PSME4: variants seen among roughly 807,000 people sequenced by gnomAD.
PSME4 encodes proteasome activator subunit 4, also known as proteasome activator complex subunit 4.
Under a neutral mutation model 253.9 loss-of-function variants are expected in PSME4, and 89 were observed. The ratio of observed to expected loss-of-function variants is 0.35; its 90% CI spans 0.30 to 0.42. The LOEUF (loss-of-function observed/expected upper bound fraction) is 0.42, where lower values mean the gene tolerates loss of function less well. Ranked by LOEUF, PSME4 falls within the 10% of genes least tolerant of loss-of-function variation. The pLI, the probability that PSME4 is intolerant of heterozygous loss-of-function variation, is 1.00. For synonymous variants in PSME4, 851 were observed against 759.2 expected (o/e 1.12, Z -1.99); for missense variants, 2,014 against 2,195.2 (o/e 0.92, Z 1.65).
chr2:53,888,917 C>A, intron 37 of PSME4, 105 bp from the exon 38 acceptor site: 1 of 897,684 alleles, frequency 1.1e-6, no homozygotes, highest in South Asian at 1.9e-5. Flanking sequence ...CTAGGTCTAA[C>A]TCTGTTGCCC....
rs61078234 is a variant in PSME4 at position 53,940,952 on chromosome 2, C to CATATTTAAATATATATAT, written c.501-953_501-952insATATATATATTTAAATAT. On this transcript the variant is annotated intron_variant, in intron 3 of 46. Coordinates refer to ENST00000404125, the MANE Select transcript of PSME4 (RefSeq NM_014614.3). ...TAATACATATATAAATATATATATA[C>CATATTTAAATATATATAT]ATATATATATATATATATATATATA... is the stretch of plus-strand genomic sequence containing the variant. Among the ~76,000 whole-genome samples the CATATTTAAATATATATAT allele has an allele frequency of 2.0e-3, 48 of 24,020 alleles. 4 individuals carry two copies. Among genetic ancestry groups the CATATTTAAATATATATAT allele is most frequent in the South Asian group, 6.8e-3 (4 of 584 alleles). The allele number at this position is 24,020 out of a possible 152,430, so 15.8% of individuals were successfully genotyped here.
intron 1 of PSME4, among the ~76,000 whole-genome samples, chr2:53,966,807 C>G (rs1670760251): frequency 6.6e-6 from 1 of 152,130 alleles, no homozygotes; most frequent in Non-Finnish European, 1.5e-5. Flanking sequence ...TCAAGCGATT[C>G]TCCTGCCTCA....
chr2:53,887,999 A>T lies in PSME4; in HGVS notation c.4389-10T>A, dbSNP rs769769587. 6.2e-7 allele frequency: 1 copy of T among 1,608,152 alleles called. No homozygotes were observed. Among genetic ancestry groups the T allele is most frequent in the Non-Finnish European group, 8.5e-7 (1 of 1,177,652 alleles). ...TAGTACATAAAGTCGACTAAAATTA[A>T]AGCATCGTAGTGTTATATTGGAGGC... On this transcript the variant is annotated splice_polypyrimidine_tract_variant and intron_variant, in intron 38 of 46. Coordinates refer to ENST00000404125, the MANE Select transcript of PSME4 (RefSeq NM_014614.3).
At position 53,940,012 on chromosome 2, in the gene PSME4, A is replaced by G; in HGVS notation, c.501-12T>C. The G allele has an allele frequency of 4.5e-6, 7 of 1,556,796 alleles. No individual in the cohort carries two copies. Among genetic ancestry groups the G allele is most frequent in the Non-Finnish European group, 6.1e-6 (7 of 1,139,024 alleles). On this transcript the variant is annotated splice_polypyrimidine_tract_variant and intron_variant, in intron 3 of 46. Coordinates refer to ENST00000404125, the MANE Select transcript of PSME4 (RefSeq NM_014614.3). The stretch of plus-strand genomic sequence containing the variant: ...TATTTTCTACAGAACTGGGGGGGGA[A>G]AGCCATTTGATAATTAGATTGGTGT...
intron 7 of PSME4, among the ~76,000 whole-genome samples, chr2:53,935,593 T>C (rs1019372952): frequency 1.3e-5 from 2 of 152,148 alleles, no homozygotes; most frequent in African/African-American, 4.8e-5. Flanking sequence ...AGCAACCAAA[T>C]ACGGTACACA....
intron 36 of PSME4, among the ~76,000 whole-genome samples, chr2:53,892,275 A>C (rs1186704337): frequency 6.6e-6 from 1 of 152,186 alleles, no homozygotes. Context: ...GGTTATTTTT[A>C]GTCTCGTGTA....
At position 53,933,406 on chromosome 2, in the gene PSME4, G is replaced by A. The variant is rs887509552; in HGVS notation, c.958-646C>T. ...AAAAAAAAAAAAAAAAAAAAAAAGC[G>A]TTTCCCTCTGTTGTCCAGGGTGGAG... On this transcript the variant is annotated intron_variant, in intron 8 of 46. Transcript: ENST00000404125. Among the ~76,000 whole-genome samples the A allele has an allele frequency of 6.0e-5, 6 of 99,346 alleles. No individual in the cohort carries two copies. The South Asian group carries it at 1.4e-3, about 23-fold the overall frequency. 65.2% of individuals were successfully genotyped at this position (99,346 alleles called of 152,430 possible). A position where few individuals can be genotyped will look rare whatever the true frequency, so the allele number is the denominator to read the frequency against.
intron 1 of PSME4, among the ~76,000 whole-genome samples, chr2:53,966,434 G>A (rs1033142743): frequency 6.6e-6 from 1 of 152,122 alleles, no homozygotes; most frequent in African/African-American, 2.4e-5. Flanking sequence ...GGCCGGGGTG[G>A]CCAGATCATT....
chr2:53,917,614 G>C (rs1302406358), intron 20 of PSME4, among the ~76,000 whole-genome samples: 1 of 152,034 alleles, frequency 6.6e-6, no homozygotes, highest in African/African-American at 2.4e-5. Context: ...ACATGCTTTT[G>C]CTCTTAGATA....
intron 45 of PSME4, 35 bp downstream of exon 45, chr2:53,866,712 T>C (rs1174831750): frequency 1.3e-6 from 2 of 1,584,090 alleles, no homozygotes; most frequent in East Asian, 2.2e-5. Context: ...ACATCACTGA[T>C]AATACACGTA....
intron 41 of PSME4, among the ~76,000 whole-genome samples, chr2:53,878,810 C>A (rs774245948): frequency 1.1e-4 from 17 of 152,168 alleles, no homozygotes; most frequent in Non-Finnish European, 1.9e-4. Context: ...AATGTGTGCC[C>A]GAAACTTAAT....
intron 36 of PSME4, among the ~76,000 whole-genome samples, chr2:53,890,727 G>A (rs561902239): frequency 4.6e-5 from 7 of 152,176 alleles, no homozygotes; most frequent in South Asian, 2.1e-4. Context: ...TTTGCATGGC[G>A]CTTTAAAAAG....
chr2:53,970,232 C>A (rs1205321485), intron 1 of PSME4, among the ~76,000 whole-genome samples: 13 of 152,194 alleles, frequency 8.5e-5, no homozygotes, highest in Admixed American at 8.5e-4. Context: ...TCACCTCTCT[C>A]CCTCGGGGCC....
At chr2:53,883,199 T>TA (rs998162599) in intron 41 of PSME4, among the ~76,000 whole-genome samples, 5 of 152,212 alleles carry the variant, frequency 3.3e-5, no homozygotes, top group Admixed American at 3.3e-4. Context: ...AAGTTTTTTT[T>TA]ATTAACTATT....
chr2:53,961,054 G>C (rs1670476359), intron 1 of PSME4, among the ~76,000 whole-genome samples: 1 of 152,058 alleles, frequency 6.6e-6, no homozygotes, highest in Admixed American at 6.5e-5. Context: ...TTGCAGTGAG[G>C]CAAGATGGTA....
chr2:53,915,803 G>A (rs569350427), intron 20 of PSME4, among the ~76,000 whole-genome samples: 200 of 152,124 alleles, frequency 1.3e-3, no homozygotes, highest in African/African-American at 4.7e-3. Flanking sequence ...GAATGTGGTG[G>A]CTCATGCCTA....
chr2:53,911,365 T>C (rs1049711607), intron 20 of PSME4, among the ~76,000 whole-genome samples: 1 of 152,168 alleles, frequency 6.6e-6, no homozygotes, highest in Non-Finnish European at 1.5e-5. Flanking sequence ...AAATTCCTCT[T>C]AAAATTTTGT....
chr2:53,865,917 C>G (rs1195303342), intron 46 of PSME4, 168 bp downstream of exon 46: 1 of 725,512 alleles, frequency 1.4e-6, no homozygotes, highest in Non-Finnish European at 2.1e-6. Context: ...CAGCAAAATT[C>G]TCATTTCCAA....
At chr2:53,891,765 C>T (rs1679916139) in intron 36 of PSME4, among the ~76,000 whole-genome samples, 1 of 150,998 alleles carries the variant, frequency 6.6e-6, no homozygotes. Context: ...GTGGCTGAGG[C>T]ATTGCTTGAA....
Sources: allele counts gnomAD v4.1 joint callset (sites outside exome capture counted in the v4.1 genomes callset), GRCh38; gene constraint gnomAD v4.1.1; transcripts MANE v1.5; gene names NCBI Gene and HGNC (gene_info 2026-07-23, HGNC 2026-07-21).